The following HMCN2 variants were observed in gnomAD, a reference collection of about 807,000 sequenced individuals.
HMCN2 encodes the protein hemicentin 2.
A neutral mutation model predicts 377.5 loss-of-function variants in HMCN2; 325 were observed. The observed-to-expected ratio is 0.86, with a 90% CI of 0.79 to 0.94. The LOEUF (loss-of-function observed/expected upper bound fraction) is 0.94. HMCN2 is among the 40% of genes least tolerant of loss of function. HMCN2 has a pLI of 0.00. For synonymous variants in HMCN2, 2,007 were observed against 2,046.8 expected (o/e 0.98, Z 0.53); for missense variants, 4,543 against 4,725.3 (o/e 0.96, Z 1.13).
chr9:130,269,872 G>A (rs532854113), intron 1 of HMCN2, among the ~76,000 whole-genome samples: 2 of 147,702 alleles, frequency 1.4e-5, no homozygotes, highest in East Asian at 2.0e-4. Context: ...GTGCAGTGGC[G>A]TGATCTCTGC....
At position 130,337,909 on chromosome 9, in the gene HMCN2, G is replaced by A. The variant is rs889690099; in HGVS notation, c.3375G>A (p.Pro1125=). The stretch of plus-strand genomic sequence containing the variant: ...ATTCCCGCAGGTATGGCCTCCTCCC[G>A]TCTGGCTCCCTGCGTCTGGCCCAGG... The part of the protein sequence containing the change: ...PPITNRYGLL[P]SGSLRLAQVQ... The change falls in exon 23 of 98, where the codon CCG becomes CCA. Residue 1125 remains proline (P), a synonymous_variant. Transcript: ENST00000683500. 1,683 of 152,574 alleles carry A rather than the reference G, an allele frequency of 0.011. 15 individuals are homozygous for A. The highest frequency in any genetic ancestry group is 0.043 in the Middle Eastern group (13 of 302). The allele number at this position is 152,574 out of a possible 1,614,324, so 9.5% of individuals were successfully genotyped here. A position where few individuals can be genotyped will look rare whatever the true frequency, so the allele number is the denominator to read the frequency against.
At chr9:130,404,761 C>T in intron 80 of HMCN2, 108 bp from the exon 81 acceptor site, 1 of 734,294 alleles carries the variant, frequency 1.4e-6, no homozygotes, top group South Asian at 2.0e-5. Flanking sequence ...GAGGGGGCAG[C>T]TGATGGCCAG....
chr9:130,391,955 G>A lies in HMCN2; in HGVS notation c.9973G>A (p.Gly3325Arg), dbSNP rs1025209258. ...CTCAGTTCCTCCCACCATCAAGCAG[G>A]GAGCAGACGGCTCGGGGACCCTGGT... ...NVLVPPTIKQGADGSGTLVSR... is the reference protein window; with the variant it reads ...NVLVPPTIKQRADGSGTLVSR... Residue 3325 changes from glycine (G) to arginine (R), a missense_variant, in exon 66 of 98, where the codon GGA becomes AGA. Transcript: ENST00000683500. 1 of 988,074 alleles carries A rather than the reference G, an allele frequency of 1.0e-6. No individual in the cohort carries two copies. Among genetic ancestry groups the A allele is most frequent in the Admixed American group, 6.1e-5 (1 of 16,278 alleles). The allele number at this position is 988,074 out of a possible 1,614,324, so 61.2% of individuals were successfully genotyped here.
chr9:130,271,615 C>T lies in HMCN2; in HGVS notation c.259+5478C>T, dbSNP rs1156529396. 2.0e-5 allele frequency among the ~76,000 whole-genome samples: 3 copies of T among 148,738 alleles called. 1 individual carries two copies. The highest frequency in any genetic ancestry group is 3.0e-5 in the Non-Finnish European group (2 of 66,254). ...TTTTTGTTTTTGTTTTCGTTTTTCC[C>T]ACATTCCTACTTTTTGGCACTGGTA... On this transcript the variant is annotated intron_variant, in intron 1 of 97. Coordinates refer to ENST00000683500, the MANE Select transcript of HMCN2 (RefSeq NM_001291815.2).
At chr9:130,295,997 T>C (rs1181155251) in intron 6 of HMCN2, among the ~76,000 whole-genome samples, 2 of 152,190 alleles carry the variant, frequency 1.3e-5, no homozygotes, top group African/African-American at 2.4e-5. Flanking sequence ...TTTGGGAACA[T>C]TTAAGAAGGA....
chr9:130,432,129 G>A (rs971215866), intron 96 of HMCN2, among the ~76,000 whole-genome samples: 3 of 152,198 alleles, frequency 2.0e-5, no homozygotes, highest in African/African-American at 4.8e-5. Flanking sequence ...CTGGGTCTTC[G>A]GGCAAAGCAG....
At chr9:130,346,744 A>G (rs1839413059) in intron 25 of HMCN2, among the ~76,000 whole-genome samples, 1 of 151,904 alleles carries the variant, frequency 6.6e-6, no homozygotes, top group Non-Finnish European at 1.5e-5. Context: ...CGGGTGGGGG[A>G]CACGGAAAAG....
Position 130,428,481 on chromosome 9 carries a change from G to T in HMCN2, c.14189G>T (p.Gly4730Val). 6.5e-7 allele frequency: 1 copy of T among 1,540,778 alleles called. No individual in the cohort carries two copies. Residue 4730 changes from glycine to valine, a missense_variant, in exon 93 of 98, where the codon GGC becomes GTC. Transcript: ENST00000683500. The surrounding 1 kb of genome is among the most constrained non-coding windows in gnomAD (Gnocchi z 5.0). ...GGCTTCCGGGTGGCTGATGGGGCCG[G>T]CTGTGAAGGTGATGGGGGCACAGCA... ...GPGFRVADGA[G>V]CEDVDECLEG...
intron 22 of HMCN2, among the ~76,000 whole-genome samples, chr9:130,337,496 T>TG (rs1172838380): frequency 1.3e-5 from 2 of 152,096 alleles, no homozygotes; most frequent in African/African-American, 4.8e-5. Flanking sequence ...GGCAGGTTCC[T>TG]GGCCCTGGGC....
Position 130,303,392 on chromosome 9 carries a change from C to G in HMCN2, c.1422-95C>G. On this transcript the variant is annotated intron_variant, in intron 9 of 97. Transcript: ENST00000683500. The surrounding 1 kb of genome is among the most constrained non-coding windows in gnomAD (Gnocchi z 5.2). ...CCGCATCTCACAGAGGAATTGGGGT[C>G]TCTCGTTTGGGCAGGATTCAGGGGA... 1 of 327,496 alleles carries G rather than the reference C, an allele frequency of 3.1e-6. No individual in the cohort carries two copies. Among genetic ancestry groups the G allele is most frequent in the Non-Finnish European group, 6.5e-6 (1 of 152,904 alleles). The allele number at this position is 327,496 out of a possible 1,614,324, so 20.3% of individuals were successfully genotyped here.
intron 1 of HMCN2, among the ~76,000 whole-genome samples, chr9:130,275,472 TG>T (rs1834639816): frequency 6.6e-6 from 1 of 152,180 alleles, no homozygotes; most frequent in Non-Finnish European, 1.5e-5. Context: ...ATTTTTGAGA[TG>T]GAGTCTTGCT....
At chr9:130,292,993 TCTATCTAC>T (rs57794010) in intron 4 of HMCN2, among the ~76,000 whole-genome samples, 22,270 of 148,876 alleles carry the variant, frequency 0.15, 2,002 homozygotes, top group East Asian at 0.3. Context: ...TATCTATCTA[TCTATCTAC>T]CTACCTACCT....
At chr9:130,343,189 C>T (rs1839155779) in intron 25 of HMCN2, among the ~76,000 whole-genome samples, 1 of 152,190 alleles carries the variant, frequency 6.6e-6, no homozygotes, top group African/African-American at 2.4e-5. Context: ...CCCTCCTCAG[C>T]CCCCGCCACT....
At chr9:130,377,057 C>T (rs1426416314) in intron 52 of HMCN2, among the ~76,000 whole-genome samples, 1 of 152,022 alleles carries the variant, frequency 6.6e-6, no homozygotes, top group Non-Finnish European at 1.5e-5. Flanking sequence ...CCTTGGCCTC[C>T]CAAAGTATTG....
At chr9:130,310,390 G>A (rs905557253) in intron 15 of HMCN2, among the ~76,000 whole-genome samples, 15 of 152,352 alleles carry the variant, frequency 9.8e-5, no homozygotes, top group African/African-American at 9.6e-5. Context: ...GGCTAGGGCC[G>A]CAGTCATCTC....
At position 130,391,513 on chromosome 9, in the gene HMCN2, C is replaced by T. The variant is rs1339963412; in HGVS notation, c.9891C>T (p.Tyr3297=). The T allele has an allele frequency of 6.1e-6, 6 of 987,728 alleles. No homozygotes were observed. Among genetic ancestry groups the T allele is most frequent in the African/African-American group, 1.7e-5 (1 of 57,312 alleles). The allele number at this position is 987,728 out of a possible 1,614,324, so 61.2% of individuals were successfully genotyped here. A position where few individuals can be genotyped will look rare whatever the true frequency, so the allele number is the denominator to read the frequency against. ...KGLRASDAGA[Y]TCVAHNPAGE... is the part of the protein sequence containing the mutation. Reference sequence around the variant, plus strand: ...TGAGGGCCTCGGACGCGGGTGCCTACACCTGCGTGGCCCACAACCCAGCCG... The same window carrying T: ...TGAGGGCCTCGGACGCGGGTGCCTATACCTGCGTGGCCCACAACCCAGCCG... The change falls in exon 65 of 98, where the codon TAC becomes TAT. Residue 3297 remains tyrosine, a synonymous_variant. Coordinates refer to ENST00000683500, the MANE Select transcript of HMCN2 (RefSeq NM_001291815.2).
chr9:130,348,914 C>A, intron 27 of HMCN2, 70 bp from the exon 28 acceptor site: 1 of 1,266,574 alleles, frequency 7.9e-7, no homozygotes. Flanking sequence ...GCCTCAGTTT[C>A]CTCATTACTG....
At chr9:130,410,465 G>A (rs764532373) in intron 84 of HMCN2, 106 bp from the exon 85 acceptor site, 4 of 1,017,554 alleles carry the variant, frequency 3.9e-6, no homozygotes, top group Non-Finnish European at 6.0e-6. Context: ...CTGGTTCACA[G>A]CCTAAGCCCC....
At chr9:130,295,858 G>A (rs1448451548) in intron 6 of HMCN2, 86 bp downstream of exon 6, 1 of 430,410 alleles carries the variant, frequency 2.3e-6, no homozygotes, top group Non-Finnish European at 4.8e-6. Context: ...GGGAGCCTGT[G>A]GCCTCGGGAA....
Sources: allele counts gnomAD v4.1 joint callset (sites outside exome capture counted in the v4.1 genomes callset), GRCh38; gene constraint gnomAD v4.1.1; non-coding constraint Gnocchi (gnomAD v3.1); transcripts MANE v1.5; gene names NCBI Gene and HGNC (gene_info 2026-07-23, HGNC 2026-07-21).